The following LRRC8C variants were observed in gnomAD, a reference collection of about 807,000 sequenced individuals.
LRRC8C encodes leucine rich repeat containing 8 VRAC subunit C.
Under a neutral mutation model 55.3 loss-of-function variants are expected in LRRC8C, and 20 were observed. The observed-to-expected ratio is 0.36, with a 90% CI of 0.25 to 0.53. The LOEUF is 0.53. LRRC8C is among the 20% of genes least tolerant of loss of function. The pLI is 0.92. For synonymous variants in LRRC8C, 376 were observed against 360.7 expected, an observed-to-expected ratio of 1.04 and a Z score of -0.48; for missense variants, 659 against 951.4, an observed-to-expected ratio of 0.69 and a Z score of 4.04.
At chr1:89,680,284 A>T (rs563574545) in intron 1 of LRRC8C, among the ~76,000 whole-genome samples, 2 of 151,958 alleles carry the variant, frequency 1.3e-5, no homozygotes, top group Non-Finnish European at 2.9e-5. Context: ...TCACCGTGTT[A>T]GCCAGGATGG....
Position 89,714,388 on chromosome 1 carries a change from T to C in LRRC8C, c.1818T>C (p.His606=). The change falls in exon 3 of 3, where the codon CAT becomes CAC. Residue 606 remains histidine, a synonymous_variant. Transcript: ENST00000370454. This position sits in a 1 kb window ranked among gnomAD's most constrained non-coding sequence, Gnocchi z 4.6. The part of the protein sequence containing the change: ...LVHCDLERIP[H]AVFSLLSLQE... ...ACTGTGACCTGGAGCGTATTCCTCA[T>C]GCTGTGTTCAGCCTACTCAGCCTCC... 6.2e-7 allele frequency: 1 copy of C among 1,614,138 alleles called. No individual in the cohort carries two copies.
At chr1:89,683,443 C>T (rs1352687663) in intron 1 of LRRC8C, among the ~76,000 whole-genome samples, 3 of 149,308 alleles carry the variant, frequency 2.0e-5, no homozygotes, top group East Asian at 2.0e-4. Flanking sequence ...CTGCAACCTT[C>T]GCCTCCCAAG....
At chr1:89,619,746 G>T in the LRRC8C span, among the ~76,000 whole-genome samples, 6 of 152,032 alleles carry the variant, frequency 3.9e-5, no homozygotes, top group African/African-American at 1.2e-4. Context: ...GATGCAATTA[G>T]CTGTTAAATA....
intron 1 of LRRC8C, among the ~76,000 whole-genome samples, chr1:89,685,362 G>T (rs906359426): frequency 6.6e-6 from 1 of 150,664 alleles, no homozygotes; most frequent in African/African-American, 2.5e-5. Context: ...TGATCCACCC[G>T]CCTCGGCCTC....
intron 1 of LRRC8C, among the ~76,000 whole-genome samples, chr1:89,645,549 A>C (rs1274060569): frequency 6.6e-6 from 1 of 152,184 alleles, no homozygotes; most frequent in African/African-American, 2.4e-5. Context: ...TAAGTACAAC[A>C]ATACCATTCC....
intron 1 of LRRC8C, among the ~76,000 whole-genome samples, chr1:89,684,313 G>A (rs755677141): frequency 1.3e-5 from 2 of 152,160 alleles, no homozygotes; most frequent in African/African-American, 4.8e-5. Flanking sequence ...CTATGGAGGA[G>A]ACAACAACCA....
At position 89,716,615 on chromosome 1, in the gene LRRC8C, C is replaced by A. The variant is rs1658829384; in HGVS notation, c.*1633C>A. The A allele has an allele frequency of 6.6e-6, 1 of 152,112 alleles. No individual in the cohort carries two copies. Among genetic ancestry groups the A allele is most frequent in the African/African-American group, 2.4e-5 (1 of 41,438 alleles). 9.4% of individuals were successfully genotyped at this position (152,112 alleles called of 1,614,324 possible). A position where few individuals can be genotyped will look rare whatever the true frequency, so the allele number is the denominator to read the frequency against. On this transcript the variant is annotated 3_prime_UTR_variant, in exon 3 of 3. Transcript: ENST00000370454. ...GGAAAATGAAATACACTATTTGTGC[C>A]CTTGACCTAGAACCAGAACCACTAA...
chr1:89,693,671 T>C (rs1336801028), intron 2 of LRRC8C, among the ~76,000 whole-genome samples: 1 of 139,354 alleles, frequency 7.2e-6, no homozygotes, highest in Non-Finnish European at 1.6e-5. Context: ...TTTTTTTTTT[T>C]TTTTGAGACA....
intron 2 of LRRC8C, among the ~76,000 whole-genome samples, chr1:89,692,902 G>A (rs1168741254): frequency 6.6e-6 from 1 of 152,174 alleles, no homozygotes; most frequent in Admixed American, 6.5e-5. Context: ...TCTGCTCAGT[G>A]ACTCCAGGTT....
intron 1 of LRRC8C, among the ~76,000 whole-genome samples, chr1:89,662,974 C>G (rs980283992): frequency 2.5e-4 from 38 of 152,128 alleles, no homozygotes; most frequent in African/African-American, 8.9e-4. Flanking sequence ...CCTTCCCCAG[C>G]CTCCCATCCC....
intron 2 of LRRC8C, chr1:89,706,271 G>A (rs1339885888): frequency 4.4e-6 from 2 of 455,608 alleles, no homozygotes; most frequent in Middle Eastern, 3.2e-4. Flanking sequence ...TAGATAAGCT[G>A]CCTTCGTTTA....
intron 1 of LRRC8C, among the ~76,000 whole-genome samples, chr1:89,655,611 CCTTCTTGTAACATTATCATATGGCAG>C (rs1656922783): frequency 6.6e-6 from 1 of 152,108 alleles, no homozygotes; most frequent in Non-Finnish European, 1.5e-5. Flanking sequence ...CTGGTGAGGG[CCTTCTTGTAACATTATCATATGGCAG>C]AAGCCATCAC....
intron 1 of LRRC8C, among the ~76,000 whole-genome samples, chr1:89,655,334 T>C (rs1466606553): frequency 6.6e-6 from 1 of 152,152 alleles, no homozygotes; most frequent in Non-Finnish European, 1.5e-5. Flanking sequence ...TTGGGAAGTT[T>C]TTAAGTGTGA....
chr1:89,685,734 G>A (rs899516127), intron 1 of LRRC8C, among the ~76,000 whole-genome samples: 2 of 152,128 alleles, frequency 1.3e-5, no homozygotes, highest in Non-Finnish European at 2.9e-5. Context: ...TTTGGTTAAA[G>A]ATAGGAGTTT....
intron 1 of LRRC8C, among the ~76,000 whole-genome samples, chr1:89,678,753 G>C (rs1657620317): frequency 6.7e-6 from 1 of 149,504 alleles, no homozygotes; most frequent in Non-Finnish European, 1.5e-5. Flanking sequence ...TTTTTTGACA[G>C]ACTGCACGTG....
chr1:89,711,849 C>T (rs1658658527), intron 2 of LRRC8C, among the ~76,000 whole-genome samples: 1 of 152,144 alleles, frequency 6.6e-6, no homozygotes, highest in African/African-American at 2.4e-5. Flanking sequence ...TTTTATCTCT[C>T]TCTGAAGGAA....
intron 1 of LRRC8C, among the ~76,000 whole-genome samples, chr1:89,674,881 C>T (rs1389185886): frequency 6.6e-6 from 1 of 152,184 alleles, no homozygotes; most frequent in African/African-American, 2.4e-5. Context: ...ATTAGTCTTT[C>T]AGTCTCTCAC....
At chr1:89,634,145 C>A (rs79320158) in intron 1 of LRRC8C, among the ~76,000 whole-genome samples, 1 of 152,196 alleles carries the variant, frequency 6.6e-6, no homozygotes, top group Non-Finnish European at 1.5e-5. Flanking sequence ...TCGCATCCTC[C>A]GTAGTTTTGC....
Position 89,715,409 on chromosome 1 carries a change from G to C in LRRC8C, c.*427G>C, listed in dbSNP as rs1358182272. 6.5e-6 allele frequency: 1 copy of C among 152,956 alleles called. No individual in the cohort carries two copies. Among genetic ancestry groups the C allele is most frequent in the Non-Finnish European group, 1.5e-5 (1 of 68,660 alleles). 9.5% of individuals were successfully genotyped at this position (152,956 alleles called of 1,614,324 possible). ...TGTGTGTATCAAGGAATCTGTGCTA[G>C]TTATTTTAATACCAGCTGTCTTCTC... On this transcript the variant is annotated 3_prime_UTR_variant, in exon 3 of 3. Coordinates refer to ENST00000370454, the MANE Select transcript of LRRC8C (RefSeq NM_032270.5).
Sources: allele counts gnomAD v4.1 joint callset (sites outside exome capture counted in the v4.1 genomes callset), GRCh38; gene constraint gnomAD v4.1.1; non-coding constraint Gnocchi (gnomAD v3.1); transcripts MANE v1.5; gene names NCBI Gene and HGNC (gene_info 2026-07-23, HGNC 2026-07-21).